The following CUX2 variants were observed in gnomAD, a reference collection of about 807,000 sequenced individuals.
CUX2 encodes cut like homeobox 2, also known as homeobox protein cut-like 2.
In CUX2, 40 loss-of-function variants were observed where a neutral mutation model predicts 144.8. The ratio of observed to expected loss-of-function variants is 0.28; its 90% CI spans 0.21 to 0.36. The LOEUF (loss-of-function observed/expected upper bound fraction) is 0.36. Among genes scored for constraint, CUX2 ranks in the 10% least tolerant of loss-of-function variants. CUX2 has a pLI of 1.00. For missense variants in CUX2, 1,615 were observed against 1,994.0 expected (o/e 0.81, Z 3.62); for synonymous variants, 827 against 875.6 (o/e 0.94, Z 0.98).
intron 9 of CUX2, among the ~76,000 whole-genome samples, chr12:111,303,268 G>A (rs1269020662): frequency 1.4e-5 from 2 of 144,268 alleles, no homozygotes; most frequent in African/African-American, 5.1e-5. Flanking sequence ...ACCCAGTTTA[G>A]TGAACTGCTG....
intron 1 of CUX2, among the ~76,000 whole-genome samples, chr12:111,058,244 G>T (rs1452452680): frequency 6.6e-6 from 1 of 152,210 alleles, no homozygotes; most frequent in Non-Finnish European, 1.5e-5. Flanking sequence ...AAAGGGGAAG[G>T]ATTTAATTGC....
intron 3 of CUX2, among the ~76,000 whole-genome samples, chr12:111,247,276 C>T (rs1238010262): frequency 6.6e-6 from 1 of 152,132 alleles, no homozygotes; most frequent in Admixed American, 6.5e-5. Flanking sequence ...GCATGCATGC[C>T]CGGCTGAGGC....
rs200995431 is a variant in CUX2 at position 111,310,005 on chromosome 12, CGTCT to C, written c.1259-14_1259-11del. ...TCTCTCCCCTCATCATCGTCTTCCCCGTCTGTCTGTCTGTCTGTCTGTCTGGGTG... is the reference window on the plus strand; with the variant it reads ...TCTCTCCCCTCATCATCGTCTTCCCCGTCTGTCTGTCTGTCTGTCTGGGTG... On this transcript the variant is annotated intron_variant, in intron 14 of 21. Transcript: ENST00000261726. The surrounding 1 kb of genome is among the most constrained non-coding windows in gnomAD (Gnocchi z 7.9). 2.6e-4 allele frequency: 323 copies of C among 1,258,274 alleles called. No homozygotes were observed. Among genetic ancestry groups the C allele is most frequent in the South Asian group, 7.8e-4 (23 of 29,344 alleles). The allele number at this position is 1,258,274 out of a possible 1,614,324, so 77.9% of individuals were successfully genotyped here.
In CUX2 at chr12:111,263,356, A is replaced by T. The variant is rs1884224010; in HGVS notation, c.223-405A>T. On this transcript the variant is annotated intron_variant, in intron 3 of 21. Transcript: ENST00000261726. This position sits in a 1 kb window ranked among gnomAD's most constrained non-coding sequence, Gnocchi z 4.0. ...CATGGTGGCTCATGCCTGTAATCCC[A>T]GAACTTTGGGAGGCCAAGGTGGGCA... 6.6e-6 allele frequency among the ~76,000 whole-genome samples: 1 copy of T among 152,172 alleles called. No individual in the cohort carries two copies. Among genetic ancestry groups the T allele is most frequent in the African/African-American group, 2.4e-5 (1 of 41,442 alleles).
chr12:111,338,174 G>C (rs1297542626), intron 19 of CUX2, 112 bp from the exon 20 acceptor site: 3 of 1,158,888 alleles, frequency 2.6e-6, no homozygotes, highest in African/African-American at 3.1e-5. Flanking sequence ...GGAGTCAGTG[G>C]AGATAGCCTC....
chr12:111,062,518 T>C (rs1433055643), intron 1 of CUX2, among the ~76,000 whole-genome samples: 2 of 151,886 alleles, frequency 1.3e-5, no homozygotes. Context: ...ATTCAACAAG[T>C]ATTTATCTCA....
At position 111,062,356 on chromosome 12, in the gene CUX2, C is replaced by T. The variant is rs997276982; in HGVS notation, c.63+28116C>T. 4.6e-5 allele frequency among the ~76,000 whole-genome samples: 7 copies of T among 152,276 alleles called. No individual in the cohort carries two copies. In the South Asian group the frequency reaches 1.4e-3, roughly 32 times the overall value. On this transcript the variant is annotated intron_variant, in intron 1 of 21. Transcript: ENST00000261726. ...ATTTTATTGTGATTAAATATTTATC[C>T]GGGGCTTGTACTATGAACATTGCAT...
At chr12:111,265,771 T>C (rs1414323427) in intron 4 of CUX2, among the ~76,000 whole-genome samples, 5 of 152,148 alleles carry the variant, frequency 3.3e-5, no homozygotes, top group Non-Finnish European at 5.9e-5. Flanking sequence ...CTTGCTGTGC[T>C]AACTCTCCCC....
chr12:111,223,257 G>A (rs767135751), intron 3 of CUX2, among the ~76,000 whole-genome samples: 30 of 152,260 alleles, frequency 2.0e-4, no homozygotes, highest in Non-Finnish European at 4.0e-4. Context: ...AAGAAAAAAT[G>A]TCTGTAGGAG....
intron 1 of CUX2, among the ~76,000 whole-genome samples, chr12:111,088,916 C>T (rs1236623701): frequency 1.3e-5 from 2 of 152,106 alleles, no homozygotes; most frequent in African/African-American, 2.4e-5. Context: ...GGTGGAGAGT[C>T]ATCTTGGGTT....
intron 18 of CUX2, among the ~76,000 whole-genome samples, chr12:111,330,112 T>C (rs900042656): frequency 6.6e-6 from 1 of 152,194 alleles, no homozygotes; most frequent in African/African-American, 2.4e-5. Flanking sequence ...ACATGGATGC[T>C]ACCTGAATGG....
At chr12:111,251,191 G>A (rs768687804) in intron 3 of CUX2, among the ~76,000 whole-genome samples, 2 of 152,124 alleles carry the variant, frequency 1.3e-5, no homozygotes, top group African/African-American at 2.4e-5. Context: ...TGGATGCTTC[G>A]AGGAAAACAG....
intron 1 of CUX2, among the ~76,000 whole-genome samples, chr12:111,117,004 T>C (rs1427110663): frequency 6.6e-6 from 1 of 152,232 alleles, no homozygotes; most frequent in East Asian, 1.9e-4. Flanking sequence ...CAGCTAATAC[T>C]GTGCTCCATT....
At chr12:111,165,351 GACCTCATTGA>G (rs1878070228) in intron 1 of CUX2, among the ~76,000 whole-genome samples, 2 of 152,218 alleles carry the variant, frequency 1.3e-5, no homozygotes, top group Admixed American at 1.3e-4. Flanking sequence ...AAACCAGAGT[GACCTCATTGA>G]GGCAGTGGCC....
At position 111,293,655 on chromosome 12, in the gene CUX2, T is replaced by A; in HGVS notation, c.560+86T>A. 6.7e-7 allele frequency: 1 copy of A among 1,485,028 alleles called. No homozygotes were observed. The highest frequency in any genetic ancestry group is 1.3e-5 in the South Asian group (1 of 74,700). The allele number at this position is 1,485,028 out of a possible 1,614,324, so 92.0% of individuals were successfully genotyped here. On this transcript the variant is annotated intron_variant, in intron 6 of 21. Coordinates refer to ENST00000261726, the MANE Select transcript of CUX2 (RefSeq NM_015267.4). The surrounding 1 kb of genome is among the most constrained non-coding windows in gnomAD (Gnocchi z 4.5). ...CTGGCTGGGTCGTGGACGGGGAAAG[T>A]CTCCTACCAGAATCCAGATGCAGGC... is the stretch of plus-strand genomic sequence containing the variant.
chr12:111,299,550 C>T (rs942036253), intron 9 of CUX2, among the ~76,000 whole-genome samples: 4 of 152,238 alleles, frequency 2.6e-5, no homozygotes, highest in Admixed American at 2.6e-4. Context: ...GAAGCAGTGT[C>T]CCCTAGGAGG....
chr12:111,179,511 T>C lies in CUX2; in HGVS notation c.64-34689T>C, dbSNP rs187975224. Among the ~76,000 whole-genome samples the C allele has an allele frequency of 3.3e-5, 5 of 152,278 alleles. No homozygotes were observed. The East Asian group carries it at 9.6e-4, about 29-fold the overall frequency. ...GAATGGCATTAATAACGATCCTACTTCATGGTGGTGTTGAGAGGATTGAAT... is the reference window on the plus strand; with the variant it reads ...GAATGGCATTAATAACGATCCTACTCCATGGTGGTGTTGAGAGGATTGAAT... On this transcript the variant is annotated intron_variant, in intron 1 of 21. Transcript: ENST00000261726.
chr12:111,072,258 TC>T (rs1871283579), intron 1 of CUX2, among the ~76,000 whole-genome samples: 1 of 152,248 alleles, frequency 6.6e-6, no homozygotes, highest in Non-Finnish European at 1.5e-5. Context: ...ATGGACTATC[TC>T]CCCATCTATT....
chr12:111,294,641 A>T (rs1885875942), intron 6 of CUX2, among the ~76,000 whole-genome samples: 1 of 151,718 alleles, frequency 6.6e-6, no homozygotes, highest in Non-Finnish European at 1.5e-5. Context: ...TCATGCCTAT[A>T]ATCCCAGCAC....
Sources: gnomAD v4.1 joint callset for allele counts (sites outside exome capture counted in the v4.1 genomes callset) on GRCh38, gnomAD v4.1.1 for gene constraint, Gnocchi (gnomAD v3.1) non-coding constraint, MANE v1.5 for transcripts, NCBI Gene and HGNC (gene_info 2026-07-23, HGNC 2026-07-21) for gene names.